The following GNAL variants were observed in gnomAD, a reference collection of about 807,000 sequenced individuals.
The protein encoded by GNAL is guanine nucleotide-binding protein G(olf) subunit alpha.
In GNAL, 18 loss-of-function variants were observed where a neutral mutation model predicts 55.1. The observed-to-expected ratio is 0.33, with a 90% CI of 0.23 to 0.48. GNAL has a LOEUF of 0.48. Ranked by LOEUF, GNAL falls within the 20% of genes least tolerant of loss-of-function variation. The pLI, the probability that GNAL is intolerant of heterozygous loss-of-function variation, is 0.99. For synonymous variants in GNAL, 253 were observed against 237.0 expected (o/e 1.07, Z -0.62); for missense variants, 412 against 614.1 (o/e 0.67, Z 3.48).
At chr18:11,829,709 TA>T (rs1391828704) in intron 5 of GNAL, among the ~76,000 whole-genome samples, 1 of 152,170 alleles carries the variant, frequency 6.6e-6, no homozygotes, top group Non-Finnish European at 1.5e-5. Flanking sequence ...GGTGTTCTTG[TA>T]TAAAGTCAGC....
intron 5 of GNAL, chr18:11,851,679 C>T (rs1229764201): frequency 2.5e-6 from 4 of 1,614,000 alleles, no homozygotes; most frequent in Non-Finnish European, 3.4e-6. Context: ...AAAATGCCAT[C>T]CGCCAGAAGA....
intron 4 of GNAL, among the ~76,000 whole-genome samples, chr18:11,765,298 A>G (rs781637833): frequency 6.6e-5 from 10 of 152,228 alleles, no homozygotes; most frequent in Admixed American, 2.0e-4. Flanking sequence ...TGGATATATA[A>G]TAGTTGTACA....
intron 4 of GNAL, among the ~76,000 whole-genome samples, chr18:11,775,585 G>A (rs536898309): frequency 2.6e-5 from 4 of 152,334 alleles, no homozygotes; most frequent in African/African-American, 9.6e-5. Flanking sequence ...CTCTAAGTCT[G>A]TGTCAGATTA....
intron 1 of GNAL, among the ~76,000 whole-genome samples, chr18:11,736,325 T>TC (rs1481493316): frequency 1.2e-4 from 19 of 152,136 alleles, no homozygotes; most frequent in Non-Finnish European, 2.4e-4. Flanking sequence ...AACCCACGTG[T>TC]TAGAGGCTGC....
chr18:11,699,728 T>G (rs1330749487), intron 1 of GNAL, among the ~76,000 whole-genome samples: 4 of 152,190 alleles, frequency 2.6e-5, no homozygotes, highest in Non-Finnish European at 5.9e-5. Flanking sequence ...CACAGAGGAC[T>G]TTTAGGGCAG....
intron 5 of GNAL, among the ~76,000 whole-genome samples, chr18:11,832,746 G>C (rs1196078615): frequency 1.3e-5 from 2 of 151,898 alleles, no homozygotes; most frequent in East Asian, 3.9e-4. Flanking sequence ...TTTAATCCCA[G>C]CTACTCGGGA....
At chr18:11,814,482 C>T (rs1188908382) in intron 4 of GNAL, among the ~76,000 whole-genome samples, 1 of 151,800 alleles carries the variant, frequency 6.6e-6, no homozygotes, top group East Asian at 1.9e-4. Context: ...GACCAGAGAT[C>T]ATTCCATTGC....
chr18:11,711,093 T>C (rs2031828174), intron 1 of GNAL, among the ~76,000 whole-genome samples: 1 of 152,152 alleles, frequency 6.6e-6, no homozygotes, highest in Non-Finnish European at 1.5e-5. Context: ...GCCAGGATGG[T>C]CTCGATCTCC....
chr18:11,702,975 G>T (rs917625259), intron 1 of GNAL, among the ~76,000 whole-genome samples: 1 of 152,052 alleles, frequency 6.6e-6, no homozygotes, highest in African/African-American at 2.4e-5. Flanking sequence ...AAAATTAGAT[G>T]GGCATGGTGG....
Position 11,883,982 on chromosome 18 carries a change from T to C in GNAL, c.*2847T>C, listed in dbSNP as rs1064232. On this transcript the variant is annotated 3_prime_UTR_variant, in exon 12 of 12. Transcript: ENST00000334049. The stretch of plus-strand genomic sequence containing the variant: ...CTGGGATTACAGGTGTGAGCCACTG[T>C]GCCCGGCCACATCTGTACTTTTAAG... 0.059 allele frequency: 9,068 copies of C among 154,346 alleles called. 519 individuals carry two copies. The highest frequency in any genetic ancestry group is 0.17 in the Middle Eastern group (50 of 298). The allele number at this position is 154,346 out of a possible 1,614,324, so 9.6% of individuals were successfully genotyped here.
intron 1 of GNAL, among the ~76,000 whole-genome samples, chr18:11,734,985 G>A (rs1159431786): frequency 6.8e-6 from 1 of 147,774 alleles, no homozygotes; most frequent in Non-Finnish European, 1.5e-5. Flanking sequence ...ACTCAGGTGG[G>A]CACAGGGAAA....
chr18:11,714,057 G>T (rs1212405768), intron 1 of GNAL, among the ~76,000 whole-genome samples: 2 of 152,168 alleles, frequency 1.3e-5, no homozygotes, highest in African/African-American at 2.4e-5. Context: ...GGGCATCTCC[G>T]ATGCCAGCAA....
chr18:11,846,066 G>A (rs2035728047), intron 5 of GNAL, among the ~76,000 whole-genome samples: 1 of 151,956 alleles, frequency 6.6e-6, no homozygotes, highest in African/African-American at 2.4e-5. Context: ...ATTTTTTCCA[G>A]CTTTATAAAT....
At chr18:11,866,165 A>G (rs1321635146) in intron 7 of GNAL, among the ~76,000 whole-genome samples, 1 of 150,316 alleles carries the variant, frequency 6.7e-6, no homozygotes, top group African/African-American at 2.5e-5. Flanking sequence ...AGTCCCTGGC[A>G]TAGTGGAATT....
At chr18:11,783,966 A>G (rs1248070966) in intron 4 of GNAL, among the ~76,000 whole-genome samples, 1 of 152,234 alleles carries the variant, frequency 6.6e-6, no homozygotes, top group Non-Finnish European at 1.5e-5. Flanking sequence ...CCAGGTGAGA[A>G]GCTCCATCTG....
At chr18:11,849,292 A>G (rs2035802080) in intron 5 of GNAL, among the ~76,000 whole-genome samples, 5 of 152,226 alleles carry the variant, frequency 3.3e-5, no homozygotes, top group Admixed American at 3.3e-4. Context: ...AACTGAGGTC[A>G]GGAGTTCGAG....
At chr18:11,851,120 G>T (rs377288673) in intron 5 of GNAL, among the ~76,000 whole-genome samples, 1 of 152,254 alleles carries the variant, frequency 6.6e-6, no homozygotes, top group Non-Finnish European at 1.5e-5. Context: ...GGTCTCCACA[G>T]ATCCTGTCTA....
chr18:11,827,799 G>A (rs1482363462), intron 5 of GNAL, among the ~76,000 whole-genome samples: 1 of 151,628 alleles, frequency 6.6e-6, no homozygotes, highest in Admixed American at 6.6e-5. Context: ...GTGAAACCCC[G>A]TCTCTACTAA....
intron 1 of GNAL, among the ~76,000 whole-genome samples, chr18:11,731,232 C>G (rs1034480717): frequency 1.3e-5 from 2 of 152,234 alleles, no homozygotes; most frequent in East Asian, 3.9e-4. Context: ...ACTGAAACCT[C>G]CGCCTCCTGG....
Sources: gnomAD v4.1 joint callset for allele counts (sites outside exome capture counted in the v4.1 genomes callset) on GRCh38, gnomAD v4.1.1 for gene constraint, MANE v1.5 for transcripts, NCBI Gene and HGNC (gene_info 2026-07-23, HGNC 2026-07-21) for gene names.